The following HPCAL1 variants were observed in gnomAD, a reference collection of about 807,000 sequenced individuals.
HPCAL1 encodes hippocalcin like 1.
Under a neutral mutation model 17.1 loss-of-function variants are expected in HPCAL1, and 8 were observed. The ratio of observed to expected loss-of-function variants is 0.47; its 90% CI spans 0.27 to 0.84. The LOEUF is 0.84. Ranked by LOEUF, HPCAL1 falls within the 40% of genes least tolerant of loss-of-function variation. The probability of loss-of-function intolerance (pLI) is 0.13; values close to 1 mark genes in which losing one functional copy is unlikely to be tolerated. For synonymous variants in HPCAL1, 112 were observed against 111.4 expected, an observed-to-expected ratio of 1.01 and a Z score of -0.03; for missense variants, 165 against 271.1, an observed-to-expected ratio of 0.61 and a Z score of 2.75.
chr2:10,378,745 A>G (rs1457607394), intron 1 of HPCAL1, among the ~76,000 whole-genome samples: 3 of 152,182 alleles, frequency 2.0e-5, no homozygotes, highest in Non-Finnish European at 4.4e-5. Context: ...ACCACATTGC[A>G]TGTTCCAGGG....
chr2:10,336,581 T>C (rs747064376), intron 1 of HPCAL1, among the ~76,000 whole-genome samples: 2 of 152,352 alleles, frequency 1.3e-5, no homozygotes, highest in East Asian at 1.9e-4. Context: ...TTTGCAGCAA[T>C]GAAGAATTCT....
intron 1 of HPCAL1, among the ~76,000 whole-genome samples, chr2:10,319,319 G>A (rs926250527): frequency 1.9e-4 from 29 of 152,136 alleles, no homozygotes; most frequent in African/African-American, 7.0e-4. Flanking sequence ...CAGGGGAAAT[G>A]GGACGATGTT....
At chr2:10,381,376 C>T (rs1197517925) in intron 1 of HPCAL1, among the ~76,000 whole-genome samples, 5 of 152,232 alleles carry the variant, frequency 3.3e-5, no homozygotes, top group African/African-American at 9.6e-5. Flanking sequence ...CAAGTTTCCT[C>T]CCACCTCAGG....
rs1281655720 is a variant in HPCAL1 at position 10,363,155 on chromosome 2, C to G, written c.-110-33680C>G. Among the ~76,000 whole-genome samples, 1 of 152,136 alleles carries G rather than the reference C, an allele frequency of 6.6e-6. No homozygotes were observed. The highest frequency in any genetic ancestry group is 1.5e-5 in the Non-Finnish European group (1 of 68,022). ...ATAAAAAATAAAACCCATTCTCACT[C>G]TAACCCATGCTGTATCTGATTTTTT... is the stretch of plus-strand genomic sequence containing the variant. On this transcript the variant is annotated intron_variant, in intron 1 of 4. Transcript: ENST00000307845. The surrounding 1 kb of genome is among the most constrained non-coding windows in gnomAD (Gnocchi z 4.7).
Position 10,365,849 on chromosome 2 carries a change from G to A in HPCAL1, c.-110-30986G>A, listed in dbSNP as rs1445325461. On this transcript the variant is annotated intron_variant, in intron 1 of 4. Coordinates refer to ENST00000307845, the MANE Select transcript of HPCAL1 (RefSeq NM_002149.4). The surrounding 1 kb of genome is among the most constrained non-coding windows in gnomAD (Gnocchi z 4.8). ...GTTGAGGTCCTCTTGCTGCCTCTCT[G>A]TGAGCGAGCCTCGCCTGCTGGGTGC... 6.6e-6 allele frequency among the ~76,000 whole-genome samples: 1 copy of A among 152,130 alleles called. No homozygotes were observed. Among genetic ancestry groups the A allele is most frequent in the East Asian group, 1.9e-4 (1 of 5,194 alleles).
intron 1 of HPCAL1, among the ~76,000 whole-genome samples, chr2:10,337,238 C>T (rs1215863412): frequency 2.0e-5 from 3 of 152,288 alleles, no homozygotes; most frequent in African/African-American, 2.4e-5. Context: ...CCACTCACCA[C>T]GTGCTGTGAT....
intron 1 of HPCAL1, among the ~76,000 whole-genome samples, chr2:10,366,528 G>A (rs568131976): frequency 7.6e-4 from 115 of 152,256 alleles, no homozygotes; most frequent in African/African-American, 2.6e-3. Flanking sequence ...GAGCCACCAC[G>A]CCTGGCCCCT....
chr2:10,364,159 C>T (rs1666700784), intron 1 of HPCAL1, among the ~76,000 whole-genome samples: 1 of 152,178 alleles, frequency 6.6e-6, no homozygotes, highest in Non-Finnish European at 1.5e-5. Context: ...TGCACAGGCT[C>T]CCAGCACGTG....
chr2:10,414,333 T>C (rs1012947895), intron 2 of HPCAL1, among the ~76,000 whole-genome samples: 2 of 152,222 alleles, frequency 1.3e-5, no homozygotes, highest in Admixed American at 1.3e-4. Flanking sequence ...TACAGAACTC[T>C]GTTTTCTCAC....
At chr2:10,392,589 G>A (rs1266075843) in intron 1 of HPCAL1, among the ~76,000 whole-genome samples, 1 of 152,186 alleles carries the variant, frequency 6.6e-6, no homozygotes, top group Non-Finnish European at 1.5e-5. Flanking sequence ...CCAAGCATTT[G>A]TTGTGCATTA....
At chr2:10,414,041 C>T (rs1670506260) in intron 2 of HPCAL1, among the ~76,000 whole-genome samples, 1 of 152,260 alleles carries the variant, frequency 6.6e-6, no homozygotes, top group Non-Finnish European at 1.5e-5. Context: ...GGCCAGACCG[C>T]CTGGGTCCAA....
chr2:10,324,179 CAA>C (rs1017989425), intron 1 of HPCAL1, among the ~76,000 whole-genome samples: 2 of 152,222 alleles, frequency 1.3e-5, no homozygotes, highest in Admixed American at 6.5e-5. Flanking sequence ...AAATTAAATG[CAA>C]ATACTGTTTC....
intron 2 of HPCAL1, among the ~76,000 whole-genome samples, chr2:10,404,866 G>A (rs777594972): frequency 1.3e-5 from 2 of 152,182 alleles, no homozygotes; most frequent in Non-Finnish European, 2.9e-5. Context: ...CTGCTTGGGT[G>A]TGCCGAGCGA....
chr2:10,366,080 C>G (rs558226765), intron 1 of HPCAL1, among the ~76,000 whole-genome samples: 1 of 152,276 alleles, frequency 6.6e-6, no homozygotes, highest in East Asian at 1.9e-4. Flanking sequence ...CGCTGCCTCC[C>G]TCCTGGACCG....
chr2:10,426,900 C>T lies in HPCAL1; in HGVS notation c.*79C>T, dbSNP rs1371456767. ...GCTTTGCTTGCAAGAGTGGATGCCC[C>T]GCAATCGTTCCTGCTCTCCCGGGCC... is the stretch of plus-strand genomic sequence containing the variant. On this transcript the variant is annotated 3_prime_UTR_variant, in exon 5 of 5. Coordinates refer to ENST00000307845, the MANE Select transcript of HPCAL1 (RefSeq NM_002149.4). 17 of 1,336,452 alleles carry T rather than the reference C, an allele frequency of 1.3e-5. No homozygotes were observed. The East Asian group carries it at 1.4e-4, about 11-fold the overall frequency. The allele number at this position is 1,336,452 out of a possible 1,614,324, so 82.8% of individuals were successfully genotyped here.
At chr2:10,387,405 C>T (rs12472210) in intron 1 of HPCAL1, among the ~76,000 whole-genome samples, 7 of 152,140 alleles carry the variant, frequency 4.6e-5, no homozygotes, top group Middle Eastern at 3.2e-3. Context: ...CGTGGAGAAG[C>T]GCTTGGTGTA....
intron 1 of HPCAL1, among the ~76,000 whole-genome samples, chr2:10,328,066 C>G (rs1664126392): frequency 6.6e-6 from 1 of 152,192 alleles, no homozygotes; most frequent in Non-Finnish European, 1.5e-5. Flanking sequence ...TGGCCTGGCC[C>G]TATGTGATGC....
At chr2:10,317,668 T>C (rs780895136) in intron 1 of HPCAL1, among the ~76,000 whole-genome samples, 8 of 152,342 alleles carry the variant, frequency 5.3e-5, no homozygotes, top group Non-Finnish European at 1.2e-4. Context: ...TCCACCCACC[T>C]TGGCTTCCCA....
rs1670927618 is a variant in HPCAL1 at position 10,419,913 on chromosome 2, C to G, written c.156C>G (p.Tyr52Ter). 3 of 1,613,912 alleles carry G rather than the reference C, an allele frequency of 1.9e-6. No homozygotes were observed. Among genetic ancestry groups the G allele is most frequent in the Non-Finnish European group, 2.5e-6 (3 of 1,179,968 alleles). Residue 52 changes from tyrosine to a stop codon, truncating the protein, a stop_gained, in exon 3 of 5, where the codon TAC becomes TAG. Coordinates refer to ENST00000307845, the MANE Select transcript of HPCAL1 (RefSeq NM_002149.4). LOFTEE classifies it high-confidence loss of function. The surrounding 1 kb of genome is among the most constrained non-coding windows in gnomAD (Gnocchi z 5.0). ...CCGTGGACGAGTTCAAGAAGATCTA[C>G]GCCAACTTCTTCCCCTACGGCGACG... ...HLTVDEFKKI[Y>*]ANFFPYGDAS...
Sources: gnomAD v4.1 joint callset for allele counts (sites outside exome capture counted in the v4.1 genomes callset) on GRCh38, gnomAD v4.1.1 for gene constraint, Gnocchi (gnomAD v3.1) non-coding constraint, MANE v1.5 for transcripts, NCBI Gene and HGNC (gene_info 2026-07-23, HGNC 2026-07-21) for gene names.